Variants in MFSD12 observed in about 807,000 individuals in gnomAD.
MFSD12 encodes major facilitator superfamily domain-containing protein 12.
Under a neutral mutation model 51.2 loss-of-function variants are expected in MFSD12, and 67 were observed. The ratio of observed to expected loss-of-function variants is 1.31; its 90% CI spans 1.08 to 1.60. MFSD12 has a LOEUF of 1.60. Ranked by LOEUF, MFSD12 falls within the 40% of genes most tolerant of loss-of-function variation. The probability of loss-of-function intolerance (pLI) is 0.00; values close to 1 mark genes in which losing one functional copy is unlikely to be tolerated. For synonymous variants in MFSD12, 441 were observed against 316.7 expected, an observed-to-expected ratio of 1.39 and a Z score of -4.17; for missense variants, 921 against 673.0, an observed-to-expected ratio of 1.37 and a Z score of -4.08.
chr19:3,555,762 C>T (rs1408633504), intron 1 of MFSD12, among the ~76,000 whole-genome samples: 5 of 152,222 alleles, frequency 3.3e-5, no homozygotes, highest in Admixed American at 6.5e-5. Flanking sequence ...CCTGGAATTC[C>T]AAGAACTGAG....
At chr19:3,545,231 C>T (rs1215104734) in intron 8 of MFSD12, among the ~76,000 whole-genome samples, 4 of 152,216 alleles carry the variant, frequency 2.6e-5, no homozygotes, top group Non-Finnish European at 4.4e-5. Context: ...TGCAACTTCT[C>T]CCCCAGCAGC....
intron 1 of MFSD12, among the ~76,000 whole-genome samples, chr19:3,555,652 G>A (rs79464041): frequency 0.033 from 5,061 of 152,174 alleles, 192 homozygotes; most frequent in African/African-American, 0.096. Flanking sequence ...GAGATCCACT[G>A]CCTCTTGCAA....
Position 3,546,332 on chromosome 19 carries a change from C to T in MFSD12, c.1117G>A (p.Val373Met). ...GLGVAVYAAA[V>M]LLGAGCATIL... ...GTGGCACAGCCAGCACCCAGCAGCA[C>T]AGCCGCTGCGTACACGGCCACACCC... Residue 373 changes from valine to methionine, a missense_variant, in exon 7 of 10, where the codon GTG becomes ATG. Physicochemically the swap from Val to Met is conservative, Grantham distance 21. Coordinates refer to ENST00000355415, the MANE Select transcript of MFSD12 (RefSeq NM_174983.5). 6.2e-7 allele frequency: 1 copy of T among 1,608,402 alleles called. No individual in the cohort carries two copies. The highest frequency in any genetic ancestry group is 1.1e-5 in the South Asian group (1 of 90,478).
At chr19:3,547,148 G>A in intron 6 of MFSD12, 124 bp downstream of exon 6, 9 of 851,770 alleles carry the variant, frequency 1.1e-5, no homozygotes, top group Non-Finnish European at 9.8e-6. Flanking sequence ...TAGATCTGGG[G>A]CTTCTACAAG....
intron 8 of MFSD12, among the ~76,000 whole-genome samples, chr19:3,545,647 G>A (rs901996685): frequency 2.0e-5 from 3 of 152,194 alleles, no homozygotes; most frequent in Non-Finnish European, 4.4e-5. Context: ...CCAACCACAT[G>A]TTCACCTCTG....
chr19:3,546,094 G>A lies in MFSD12; in HGVS notation c.1269C>T (p.Ile423=), dbSNP rs1338315685. The A allele has an allele frequency of 2.5e-6, 4 of 1,613,254 alleles. No homozygotes were observed. The highest frequency in any genetic ancestry group is 2.7e-5 in the African/African-American group (2 of 74,922). ...KVANGLAVMA[I]QSLHPCPSEL... Reference sequence around the variant, plus strand: ...CTCACGGGCAAGGGTGCAGGCTCTGGATGGCCATGACTGCCAGCCCATTGG... The same window carrying A: ...CTCACGGGCAAGGGTGCAGGCTCTGAATGGCCATGACTGCCAGCCCATTGG... The change falls in exon 8 of 10, where the codon ATC becomes ATT. Residue 423 remains isoleucine (I), a synonymous_variant. Transcript: ENST00000355415.
At chr19:3,544,057 G>A (rs934267645), downstream of MFSD12, 4 of 1,489,042 alleles carry the variant, frequency 2.7e-6, no homozygotes, top group Middle Eastern at 1.8e-4. Flanking sequence ...CCAGATGAGG[G>A]GGCACTAACC....
Position 3,557,463 on chromosome 19 carries a change from C to A in MFSD12, c.-60G>T. The stretch of plus-strand genomic sequence containing the variant: ...TCCGCGGAGGGTACCCTGGCCAGGC[C>A]TTCTTGGGTGCCGTGGGGGCAGGCG... On this transcript the variant is annotated 5_prime_UTR_variant, in exon 1 of 10. It adds an upstream start codon to the 5' untranslated region. Transcript: ENST00000355415. 1.8e-6 allele frequency: 2 copies of A among 1,084,956 alleles called. No individual in the cohort carries two copies. The highest frequency in any genetic ancestry group is 2.3e-6 in the Non-Finnish European group (2 of 869,192). The allele number at this position is 1,084,956 out of a possible 1,614,324, so 67.2% of individuals were successfully genotyped here.
intron 2 of MFSD12, among the ~76,000 whole-genome samples, chr19:3,550,530 T>C (rs927766731): frequency 6.6e-6 from 1 of 151,872 alleles, no homozygotes; most frequent in Admixed American, 6.6e-5. Context: ...TAGCTGGGAC[T>C]ACAGGCGCCC....
Position 3,546,694 on chromosome 19 carries a change from C to T in MFSD12, c.1024-269G>A, listed in dbSNP as rs556670677. 7.9e-5 allele frequency among the ~76,000 whole-genome samples: 12 copies of T among 152,326 alleles called. 1 individual carries two copies. The South Asian group carries it at 2.5e-3, about 32-fold the overall frequency. On this transcript the variant is annotated intron_variant, in intron 6 of 9. Coordinates refer to ENST00000355415, the MANE Select transcript of MFSD12 (RefSeq NM_174983.5). ...TTACAACGAAAGCAAACGACGGACT[C>T]GGCTCAGTCCCCACGGCCACATTTC... is the stretch of plus-strand genomic sequence containing the variant.
downstream of MFSD12, among the ~76,000 whole-genome samples, chr19:3,540,413 A>G (rs1309311346): frequency 6.6e-6 from 1 of 151,580 alleles, no homozygotes; most frequent in Non-Finnish European, 1.5e-5. Flanking sequence ...ATGCGCTACC[A>G]TGCCCAGCTA....
chr19:3,551,099 C>A lies in MFSD12; in HGVS notation c.394G>T (p.Gly132Cys). The change falls in exon 2 of 10, where the codon GGC (glycine) becomes TGC (cysteine). Residue 132 changes from glycine (G) to cysteine (C), a missense_variant. Transcript: ENST00000355415. This position sits in a 1 kb window ranked among gnomAD's most constrained non-coding sequence, Gnocchi z 4.6. ...TPEWAALLYY[G>C]PFIVIFQFGW... Reference sequence around the variant, plus strand: ...AACTGGAAGATCACGATGAACGGGCCGTAGTAGAGGAGGGCAGCCCACTCG... The same window carrying A: ...AACTGGAAGATCACGATGAACGGGCAGTAGTAGAGGAGGGCAGCCCACTCG... The A allele has an allele frequency of 1.9e-6, 3 of 1,613,102 alleles. No homozygotes were observed. The highest frequency in any genetic ancestry group is 2.5e-6 in the Non-Finnish European group (3 of 1,180,004).
downstream of MFSD12, chr19:3,542,203 T>G (rs1179593281): frequency 1.0e-6 from 1 of 985,296 alleles, no homozygotes; most frequent in Non-Finnish European, 1.2e-6. Flanking sequence ...AAATTGCCTT[T>G]CTAGTGGAAA....
Position 3,544,354 on chromosome 19 carries a change from C to A in MFSD12, c.*356G>T. ...AGGGGGCCCTGGCAGTGTCTGGAGACCCCCAGGCTGGAGGTGAGGGGTGAA... is the reference window on the plus strand; with the variant it reads ...AGGGGGCCCTGGCAGTGTCTGGAGAACCCCAGGCTGGAGGTGAGGGGTGAA... On this transcript the variant is annotated 3_prime_UTR_variant, in exon 10 of 10. Transcript: ENST00000355415. The A allele has an allele frequency of 2.4e-6, 3 of 1,275,950 alleles. No homozygotes were observed. Among genetic ancestry groups the A allele is most frequent in the Non-Finnish European group, 3.0e-6 (3 of 1,010,880 alleles). The allele number at this position is 1,275,950 out of a possible 1,614,324, so 79.0% of individuals were successfully genotyped here. A position where few individuals can be genotyped will look rare whatever the true frequency, so the allele number is the denominator to read the frequency against.
chr19:3,543,288 CCA>C, downstream of MFSD12: 2 of 1,548,380 alleles, frequency 1.3e-6, no homozygotes, highest in Non-Finnish European at 1.7e-6. Context: ...ATCAGGCAGG[CCA>C]CACGCTGGAA....
intron 2 of MFSD12, 87 bp from the exon 3 acceptor site, chr19:3,548,354 G>C: frequency 2.0e-6 from 3 of 1,497,436 alleles, no homozygotes; most frequent in Non-Finnish European, 2.7e-6. Context: ...AGAGAGGCCT[G>C]GGGAACCCCT....
intron 1 of MFSD12, among the ~76,000 whole-genome samples, chr19:3,553,548 C>T (rs1429487780): frequency 6.6e-6 from 1 of 150,668 alleles, no homozygotes; most frequent in East Asian, 2.0e-4. Flanking sequence ...GCGGGTGGAT[C>T]ATGAGGTCAG....
rs1475154847 is a variant in MFSD12, at chr19:3,544,226, C to G, written c.*484G>C. On this transcript the variant is annotated 3_prime_UTR_variant, in exon 10 of 10. Coordinates refer to ENST00000355415, the MANE Select transcript of MFSD12 (RefSeq NM_174983.5). ...CCGTCATCTCTTTATTTGCTGCCAG[C>G]AGAGTCCACCAAGCCTGCCGGGCAG... 7.5e-7 allele frequency: 1 copy of G among 1,337,096 alleles called. No individual in the cohort carries two copies. The highest frequency in any genetic ancestry group is 2.9e-5 in the East Asian group (1 of 34,574). The allele number at this position is 1,337,096 out of a possible 1,614,324, so 82.8% of individuals were successfully genotyped here. A position where few individuals can be genotyped will look rare whatever the true frequency, so the allele number is the denominator to read the frequency against.
chr19:3,543,700 G>A (rs769282426), downstream of MFSD12: 4 of 1,508,680 alleles, frequency 2.7e-6, no homozygotes, highest in South Asian at 3.8e-5. Context: ...GGTGCAGGGT[G>A]GGTCCTTGGG....
Sources: allele counts gnomAD v4.1 joint callset (sites outside exome capture counted in the v4.1 genomes callset), GRCh38; gene constraint gnomAD v4.1.1; non-coding constraint Gnocchi (gnomAD v3.1); transcripts MANE v1.5; gene names NCBI Gene and HGNC (gene_info 2026-07-23, HGNC 2026-07-21).